SLC44A1: variants seen among roughly 807,000 people sequenced by gnomAD.
The protein encoded by SLC44A1 is solute carrier family 44 member 1.
Under a neutral mutation model 79.3 loss-of-function variants are expected in SLC44A1, and 26 were observed. That is an observed-to-expected ratio of 0.33 (90% CI 0.24 to 0.46). The LOEUF (loss-of-function observed/expected upper bound fraction) is 0.46. Among genes scored for constraint, SLC44A1 ranks in the 20% least tolerant of loss-of-function variants. SLC44A1 has a pLI of 1.00. For synonymous variants in SLC44A1, 263 were observed against 286.2 expected (o/e 0.92, Z 0.82); for missense variants, 688 against 798.1 (o/e 0.86, Z 1.66).
chr9:105,419,092 G>T (rs1451968160), intron 15 of SLC44A1, among the ~76,000 whole-genome samples: 1 of 152,148 alleles, frequency 6.6e-6, no homozygotes, highest in South Asian at 2.1e-4. Flanking sequence ...AGTTTGAAAA[G>T]ACACAAAAGA....
In SLC44A1 at chr9:105,250,749, A is replaced by C. The variant is rs532823669; in HGVS notation, c.36+5845A>C. 5.3e-5 allele frequency among the ~76,000 whole-genome samples: 8 copies of C among 152,262 alleles called. No individual in the cohort carries two copies. The South Asian group carries it at 1.7e-3, about 32-fold the overall frequency. ...ATGTCTCAGGCTTTCTTTTCCTTTC[A>C]TCCTTGGCTGCACATTGGAATCACT... On this transcript the variant is annotated intron_variant, in intron 1 of 15. Transcript: ENST00000374720.
intron 13 of SLC44A1, among the ~76,000 whole-genome samples, chr9:105,380,447 G>A (rs1269737572): frequency 6.6e-6 from 1 of 152,054 alleles, no homozygotes; most frequent in Non-Finnish European, 1.5e-5. Context: ...CTCCTGAGTA[G>A]CTGGGACTGT....
chr9:105,418,458 T>C (rs555391129), intron 15 of SLC44A1, among the ~76,000 whole-genome samples: 2 of 152,326 alleles, frequency 1.3e-5, no homozygotes, highest in South Asian at 2.1e-4. Context: ...TGTTGTCCTA[T>C]GGGGCTTACC....
intron 4 of SLC44A1, among the ~76,000 whole-genome samples, chr9:105,336,226 T>A (rs1826917381): frequency 6.6e-6 from 1 of 151,378 alleles, no homozygotes; most frequent in Non-Finnish European, 1.5e-5. Flanking sequence ...TCAGAAAAAA[T>A]AAGAAGTAGA....
At chr9:105,317,749 A>G (rs1831366167) in intron 3 of SLC44A1, among the ~76,000 whole-genome samples, 1 of 152,164 alleles carries the variant, frequency 6.6e-6, no homozygotes, top group African/African-American at 2.4e-5. Flanking sequence ...TCCTGACTCT[A>G]TCTTGTGGAG....
chr9:105,395,047 A>C lies in SLC44A1; in HGVS notation c.*5991A>C, dbSNP rs1828847449. 8 of 985,442 alleles carry C rather than the reference A, an allele frequency of 8.1e-6. No individual in the cohort carries two copies. Among genetic ancestry groups the C allele is most frequent in the African/African-American group, 1.7e-5 (1 of 57,340 alleles). The allele number at this position is 985,442 out of a possible 1,614,324, so 61.0% of individuals were successfully genotyped here. On this transcript the variant is annotated 3_prime_UTR_variant, in exon 16 of 16. Transcript: ENST00000374720. ...GGCAGAAACTCATCAAGGGGTTTGA[A>C]GTTCTTGTGAAATTTGATCCCAGTG...
Position 105,346,771 on chromosome 9 carries a change from G to T in SLC44A1, c.407-1587G>T, listed in dbSNP as rs77567750. Among the ~76,000 whole-genome samples, 3 of 151,998 alleles carry T rather than the reference G, an allele frequency of 2.0e-5. No homozygotes were observed. In the South Asian group the frequency reaches 6.2e-4, roughly 32 times the overall value. On this transcript the variant is annotated intron_variant, in intron 4 of 15. Coordinates refer to ENST00000374720, the MANE Select transcript of SLC44A1 (RefSeq NM_080546.5). Reference sequence around the variant, plus strand: ...TTTTAAAAAATAGATCATTAAAATGGAAAAGAATAGTCAAGCACAATTTTT... The same window carrying T: ...TTTTAAAAAATAGATCATTAAAATGTAAAAGAATAGTCAAGCACAATTTTT...
chr9:105,286,338 G>T (rs771023209), intron 1 of SLC44A1, among the ~76,000 whole-genome samples: 2 of 152,114 alleles, frequency 1.3e-5, no homozygotes, highest in Non-Finnish European at 2.9e-5. Context: ...TTTGAGTTGG[G>T]CATATTACTT....
chr9:105,417,282 T>C (rs114738397), intron 15 of SLC44A1, among the ~76,000 whole-genome samples: 6 of 152,364 alleles, frequency 3.9e-5, no homozygotes, highest in African/African-American at 1.4e-4. Flanking sequence ...TAATAAGTGA[T>C]AATGGATACA....
At chr9:105,335,483 G>T in intron 3 of SLC44A1, 80 bp from the exon 4 acceptor site, 2 of 1,056,822 alleles carry the variant, frequency 1.9e-6, no homozygotes, top group Non-Finnish European at 2.8e-6. Context: ...GATGTTCTTT[G>T]CTCTAGGCTT....
chr9:105,364,995 T>C (rs1215035010), intron 10 of SLC44A1, among the ~76,000 whole-genome samples: 1 of 152,222 alleles, frequency 6.6e-6, no homozygotes, highest in Non-Finnish European at 1.5e-5. Flanking sequence ...AATCTTATAG[T>C]GGTGCCATAT....
rs773356194 is a variant in SLC44A1 at position 105,366,336 on chromosome 9, C to T, written c.1411-10C>T. Reference sequence around the variant, plus strand: ...GGTTTTTTTATTATTTCCATTTTTCCCCCATCCAGGAAAATGCTTGTGCAC... The same window carrying T: ...GGTTTTTTTATTATTTCCATTTTTCTCCCATCCAGGAAAATGCTTGTGCAC... On this transcript the variant is annotated splice_polypyrimidine_tract_variant and intron_variant, in intron 11 of 15. Coordinates refer to ENST00000374720, the MANE Select transcript of SLC44A1 (RefSeq NM_080546.5). 3.5e-6 allele frequency: 5 copies of T among 1,437,518 alleles called. No homozygotes were observed. In the East Asian group the frequency reaches 7.9e-5, roughly 23 times the overall value. 89.0% of individuals were successfully genotyped at this position (1,437,518 alleles called of 1,614,324 possible).
In SLC44A1 at chr9:105,397,173, A is replaced by G. The variant is rs1040713856; in HGVS notation, c.*8117A>G. ...AGAACAATCAGCCTATATGAAACGG[A>G]GCTTTGAAATGTTTTTCTTGTGCAG... On this transcript the variant is annotated 3_prime_UTR_variant, in exon 16 of 16. Transcript: ENST00000374720. 7.1e-6 allele frequency: 7 copies of G among 985,236 alleles called. No individual in the cohort carries two copies. In the African/African-American group the frequency reaches 1.0e-4, roughly 15 times the overall value. The allele number at this position is 985,236 out of a possible 1,614,324, so 61.0% of individuals were successfully genotyped here.
At chr9:105,360,602 G>A (rs1472904703) in intron 7 of SLC44A1, among the ~76,000 whole-genome samples, 1 of 152,158 alleles carries the variant, frequency 6.6e-6, no homozygotes, top group Non-Finnish European at 1.5e-5. Context: ...CTCAACCGGT[G>A]TTGGAGATTT....
intron 3 of SLC44A1, among the ~76,000 whole-genome samples, chr9:105,313,331 G>A (rs1254251192): frequency 1.3e-5 from 2 of 152,194 alleles, no homozygotes; most frequent in African/African-American, 2.4e-5. Flanking sequence ...CTAGGTAACA[G>A]TATTACTGTA....
intron 1 of SLC44A1, among the ~76,000 whole-genome samples, chr9:105,292,332 C>T (rs966007951): frequency 6.6e-6 from 1 of 152,154 alleles, no homozygotes. Flanking sequence ...TAACCCTACA[C>T]AATAAGTGTC....
chr9:105,271,795 G>A (rs1047966392), intron 1 of SLC44A1, among the ~76,000 whole-genome samples: 8 of 152,166 alleles, frequency 5.3e-5, no homozygotes, highest in African/African-American at 1.9e-4. Context: ...TGTAGTTTTA[G>A]TAGAGACGGG....
downstream of SLC44A1, among the ~76,000 whole-genome samples, chr9:105,398,136 G>T (rs570013037): frequency 6.6e-6 from 1 of 152,238 alleles, no homozygotes; most frequent in South Asian, 2.1e-4. Context: ...CCCATTTAAA[G>T]TTTAGAAAAA....
intron 6 of SLC44A1, 102 bp downstream of exon 6, chr9:105,356,483 G>GT: frequency 1.4e-6 from 1 of 734,510 alleles, no homozygotes; most frequent in Non-Finnish European, 2.2e-6. Flanking sequence ...CTTGTAAAAT[G>GT]TTTAACTTCC....
Sources: allele counts gnomAD v4.1 joint callset (sites outside exome capture counted in the v4.1 genomes callset), GRCh38; gene constraint gnomAD v4.1.1; transcripts MANE v1.5; gene names NCBI Gene and HGNC (gene_info 2026-07-23, HGNC 2026-07-21).